The following WWP2 variants were observed in gnomAD, a reference collection of about 807,000 sequenced individuals.
WWP2 encodes WW domain containing E3 ubiquitin protein ligase 2, also known as NEDD4-like E3 ubiquitin-protein ligase WWP2.
Under a neutral mutation model 121.0 loss-of-function variants are expected in WWP2, and 57 were observed. The ratio of observed to expected loss-of-function variants is 0.47; its 90% CI spans 0.38 to 0.59. The LOEUF is 0.59. Among genes scored for constraint, WWP2 ranks in the 20% least tolerant of loss-of-function variants. WWP2 has a pLI of 0.00. For synonymous variants in WWP2, 449 were observed against 441.3 expected (o/e 1.02, Z -0.22); for missense variants, 962 against 1,158.9 (o/e 0.83, Z 2.47).
intron 1 of WWP2, among the ~76,000 whole-genome samples, chr16:69,778,806 A>G (rs2151781011): frequency 6.8e-6 from 1 of 147,600 alleles, no homozygotes; most frequent in East Asian, 2.0e-4. Flanking sequence ...CTCCTCGCTA[A>G]TTTTTGTATT....
At chr16:69,847,265 A>G (rs2057099922) in intron 6 of WWP2, among the ~76,000 whole-genome samples, 3 of 151,226 alleles carry the variant, frequency 2.0e-5, no homozygotes, top group Admixed American at 6.6e-5. Flanking sequence ...TTGCATTTTT[A>G]GTAGAGACGG....
intron 8 of WWP2, among the ~76,000 whole-genome samples, chr16:69,906,235 G>T (rs1490336400): frequency 1.3e-5 from 2 of 152,040 alleles, no homozygotes; most frequent in African/African-American, 4.8e-5. Flanking sequence ...ACCATGCCCA[G>T]CTATTTTTTT....
chr16:69,934,304 G>A (rs2058763392), intron 17 of WWP2, among the ~76,000 whole-genome samples, 175 bp downstream of exon 17: 1 of 152,096 alleles, frequency 6.6e-6, no homozygotes, highest in South Asian at 2.1e-4. Flanking sequence ...TGGCGTGAAC[G>A]GCAGCCCCCG....
chr16:69,911,400 T>C (rs1432630866), intron 9 of WWP2, among the ~76,000 whole-genome samples: 1 of 152,158 alleles, frequency 6.6e-6, no homozygotes, highest in Non-Finnish European at 1.5e-5. Flanking sequence ...GCTCCAACTC[T>C]TGCAAGAAGA....
chr16:69,838,838 AAGAGAGATTAAGGGAAGGT>A, intron 4 of WWP2: 1 of 985,484 alleles, frequency 1.0e-6, no homozygotes, highest in Non-Finnish European at 1.2e-6. Context: ...CATGGCAGGG[AAGAGAGATTAAGGGAAGGT>A]AGAGCGCTTA....
At chr16:69,902,297 G>A (rs2058217436) in intron 8 of WWP2, among the ~76,000 whole-genome samples, 1 of 152,218 alleles carries the variant, frequency 6.6e-6, no homozygotes, top group African/African-American at 2.4e-5. Context: ...ATTGTGAGTG[G>A]ATTGGGACGT....
rs151309319 is a variant in WWP2, at chr16:69,835,374, T to G, written c.341-4752T>G. On this transcript the variant is annotated intron_variant, in intron 4 of 23. Coordinates refer to ENST00000359154, the MANE Select transcript of WWP2 (RefSeq NM_001270454.2). ...ATGGTTTCTTTAGTCCCATTATGTA[T>G]TATAGGGTTCCTCTGGCTCAATTTT... is the stretch of plus-strand genomic sequence containing the variant. Among the ~76,000 whole-genome samples, 432 of 152,338 alleles carry G rather than the reference T, an allele frequency of 2.8e-3. 4 individuals are homozygous for G. The highest frequency in any genetic ancestry group is 0.01 in the African/African-American group (424 of 41,576).
At chr16:69,850,961 A>T (rs1443017008) in intron 6 of WWP2, among the ~76,000 whole-genome samples, 1 of 151,362 alleles carries the variant, frequency 6.6e-6, no homozygotes, top group Admixed American at 6.6e-5. Flanking sequence ...GCATTGACAC[A>T]TCATTGTCAC....
chr16:69,862,302 T>C (rs2057436427), intron 6 of WWP2, among the ~76,000 whole-genome samples: 1 of 152,114 alleles, frequency 6.6e-6, no homozygotes, highest in African/African-American at 2.4e-5. Context: ...CGACCTCAGG[T>C]GATCCACTCA....
intron 8 of WWP2, among the ~76,000 whole-genome samples, chr16:69,895,315 C>G (rs1231891553): frequency 6.6e-6 from 1 of 152,202 alleles, no homozygotes; most frequent in Non-Finnish European, 1.5e-5. Flanking sequence ...CTGAGCTGCT[C>G]AAAACTATTT....
chr16:69,898,725 C>T (rs976090692), intron 8 of WWP2, among the ~76,000 whole-genome samples: 6 of 151,736 alleles, frequency 4.0e-5, no homozygotes, highest in East Asian at 3.9e-4. Flanking sequence ...GTTTTTGAGA[C>T]GGAGTTTCAC....
chr16:69,850,230 CA>C (rs1406276610), intron 6 of WWP2, among the ~76,000 whole-genome samples: 1 of 151,754 alleles, frequency 6.6e-6, no homozygotes, highest in Non-Finnish European at 1.5e-5. Context: ...ACTAAAAATA[CA>C]AAAAAATTAG....
In WWP2 at chr16:69,858,908, C is replaced by T. The variant is rs565814418; in HGVS notation, c.576-12896C>T. On this transcript the variant is annotated intron_variant, in intron 6 of 23. Coordinates refer to ENST00000359154, the MANE Select transcript of WWP2 (RefSeq NM_001270454.2). The stretch of plus-strand genomic sequence containing the variant: ...TAGGATCACTGGAATGCTGCTCCTT[C>T]GACATGGGCACTGGATCCCACAGAG... 2.6e-4 allele frequency among the ~76,000 whole-genome samples: 40 copies of T among 152,232 alleles called. No individual in the cohort carries two copies. In the South Asian group the frequency reaches 6.0e-3, roughly 23 times the overall value.
chr16:69,885,675 G>A (rs1400345055), intron 7 of WWP2, among the ~76,000 whole-genome samples: 1 of 152,222 alleles, frequency 6.6e-6, no homozygotes, highest in Non-Finnish European at 1.5e-5. Context: ...TTTAGGCTCT[G>A]GAGGCAGACA....
intron 6 of WWP2, among the ~76,000 whole-genome samples, chr16:69,858,776 A>G (rs889549974): frequency 9.2e-5 from 14 of 152,230 alleles, no homozygotes; most frequent in African/African-American, 3.4e-4. Context: ...TCTGCCAGAA[A>G]AGAATGTTAC....
At position 69,937,563 on chromosome 16, in the gene WWP2, A is replaced by T; in HGVS notation, c.2254A>T (p.Met752Leu). The T allele has an allele frequency of 6.2e-7, 1 of 1,614,024 alleles. No homozygotes were observed. The highest frequency in any genetic ancestry group is 2.2e-5 in the East Asian group (1 of 44,884). The change falls in exon 21 of 24, where the codon ATG (methionine) becomes TTG (leucine). Residue 752 changes from methionine (M) to leucine (L), a missense_variant. Physicochemically the swap from Met to Leu is conservative, Grantham distance 15. Coordinates refer to ENST00000359154, the MANE Select transcript of WWP2 (RefSeq NM_001270454.2). The surrounding 1 kb of genome is among the most constrained non-coding windows in gnomAD (Gnocchi z 6.6). ...CTCTCCCCAGCTGATGCTGTGCGGC[A>T]TGCAGGAGATAGACATGAGCGACTG... The part of the protein sequence containing the change: ...EKELELMLCG[M>L]QEIDMSDWQK...
At chr16:69,910,443 C>T (rs192426673) in intron 9 of WWP2, 1,023 of 866,070 alleles carry the variant, frequency 1.2e-3, no homozygotes, top group Non-Finnish European at 1.4e-3. Context: ...GAGTCTCGCT[C>T]TGTTGCCCAG....
intron 4 of WWP2, among the ~76,000 whole-genome samples, chr16:69,804,578 A>G (rs549295333): frequency 2.6e-5 from 4 of 152,244 alleles, no homozygotes; most frequent in Admixed American, 2.0e-4. Flanking sequence ...TGTCTATGCT[A>G]TTGTAAAATT....
Position 69,930,349 on chromosome 16 carries a change from C to T in WWP2, c.1445+91C>T. 2.6e-6 allele frequency: 4 copies of T among 1,559,242 alleles called. No homozygotes were observed. In the South Asian group the frequency reaches 4.9e-5, roughly 19 times the overall value. On this transcript the variant is annotated intron_variant, in intron 13 of 23. Transcript: ENST00000359154. ...CTGGGAGGCCCACTTTGGGTGGCCC[C>T]TGTGGTGCGTTCTACTGCCCTTACT...
Sources: allele counts gnomAD v4.1 joint callset (sites outside exome capture counted in the v4.1 genomes callset), GRCh38; gene constraint gnomAD v4.1.1; non-coding constraint Gnocchi (gnomAD v3.1); transcripts MANE v1.5; gene names NCBI Gene and HGNC (gene_info 2026-07-23, HGNC 2026-07-21).